The following NRXN1 variants were observed in gnomAD, a reference collection of about 807,000 sequenced individuals.
The protein encoded by NRXN1 is neurexin 1.
Under a neutral mutation model 150.9 loss-of-function variants are expected in NRXN1, and 39 were observed. The ratio of observed to expected loss-of-function variants is 0.26; its 90% CI spans 0.20 to 0.34. The LOEUF is 0.34. Ranked by LOEUF, NRXN1 falls within the 10% of genes least tolerant of loss-of-function variation. NRXN1 has a pLI of 1.00. For missense variants in NRXN1, 1,815 were observed against 1,949.9 expected (o/e 0.93, Z 1.30); for synonymous variants, 924 against 757.0 (o/e 1.22, Z -3.62).
chr2:50,059,353 G>T (rs997676201), intron 19 of NRXN1, among the ~76,000 whole-genome samples: 1 of 152,230 alleles, frequency 6.6e-6, no homozygotes, highest in South Asian at 2.1e-4. Context: ...AAGTGTTCAA[G>T]ACGTGACTTG....
intron 15 of NRXN1, among the ~76,000 whole-genome samples, chr2:50,476,436 A>C (rs1023049560): frequency 2.6e-5 from 4 of 151,958 alleles, no homozygotes; most frequent in African/African-American, 9.7e-5. Flanking sequence ...TAAGAGTCAG[A>C]TTCTTCATCT....
chr2:50,520,221 G>C (rs2092748051), intron 12 of NRXN1, among the ~76,000 whole-genome samples: 1 of 151,728 alleles, frequency 6.6e-6, no homozygotes, highest in African/African-American at 2.4e-5. Flanking sequence ...TACTATTTCT[G>C]ATTAGGAACA....
chr2:50,055,298 T>C (rs1353769252), intron 19 of NRXN1, among the ~76,000 whole-genome samples: 1 of 152,216 alleles, frequency 6.6e-6, no homozygotes, highest in Non-Finnish European at 1.5e-5. Context: ...ACTTATGTTA[T>C]AGACAGACCC....
chr2:50,500,531 A>G (rs1383320754), intron 13 of NRXN1, among the ~76,000 whole-genome samples: 1 of 152,218 alleles, frequency 6.6e-6, no homozygotes, highest in East Asian at 1.9e-4. Context: ...CACTTCTACT[A>G]CTGTAGATAT....
intron 2 of NRXN1, among the ~76,000 whole-genome samples, chr2:50,976,952 C>T (rs1049346659): frequency 5.9e-5 from 9 of 152,000 alleles, no homozygotes; most frequent in Non-Finnish European, 1.2e-4. Flanking sequence ...AAGATGCCTT[C>T]TTATGCTAAA....
intron 2 of NRXN1, 65 bp downstream of exon 2, chr2:51,027,437 C>T (rs1343435414): frequency 5.5e-6 from 8 of 1,450,568 alleles, no homozygotes; most frequent in Non-Finnish European, 7.2e-6. Flanking sequence ...ATGCACCAGC[C>T]CGGTCCCCTC....
chr2:49,995,362 T>C (rs1261350905), intron 21 of NRXN1, among the ~76,000 whole-genome samples: 2 of 152,248 alleles, frequency 1.3e-5, no homozygotes, highest in African/African-American at 4.8e-5. Flanking sequence ...TGTTGAAATT[T>C]TGTTTCCTCT....
chr2:50,268,473 T>C (rs2069156640), intron 17 of NRXN1, among the ~76,000 whole-genome samples: 1 of 152,158 alleles, frequency 6.6e-6, no homozygotes, highest in Non-Finnish European at 1.5e-5. Context: ...ATTTTGATCA[T>C]TAACAGGACA....
chr2:50,087,244 G>A (rs144709366), intron 19 of NRXN1, among the ~76,000 whole-genome samples: 213 of 151,992 alleles, frequency 1.4e-3, no homozygotes, highest in African/African-American at 4.8e-3. Context: ...GCCTATCTCT[G>A]TAACCAGACT....
At chr2:50,153,915 C>G (rs893224393) in intron 18 of NRXN1, among the ~76,000 whole-genome samples, 2 of 151,642 alleles carry the variant, frequency 1.3e-5, no homozygotes, top group Non-Finnish European at 3.0e-5. Context: ...TCTTATTTGT[C>G]CATCATGGCT....
intron 5 of NRXN1, among the ~76,000 whole-genome samples, chr2:50,835,997 A>T (rs1672052951): frequency 6.6e-6 from 1 of 152,240 alleles, no homozygotes; most frequent in Admixed American, 6.5e-5. Flanking sequence ...AAATATCTAA[A>T]CTGTGGTGCT....
At chr2:50,295,317 A>G (rs1459505425) in intron 17 of NRXN1, among the ~76,000 whole-genome samples, 1 of 152,216 alleles carries the variant, frequency 6.6e-6, no homozygotes, top group Non-Finnish European at 1.5e-5. Context: ...TAGGTCAATG[A>G]AAATCTATCC....
intron 5 of NRXN1, among the ~76,000 whole-genome samples, chr2:50,858,437 T>C (rs191650857): frequency 6.6e-6 from 1 of 152,208 alleles, no homozygotes; most frequent in Admixed American, 6.6e-5. Flanking sequence ...AATCTGAATT[T>C]TGGGGTTTTC....
intron 8 of NRXN1, among the ~76,000 whole-genome samples, chr2:50,571,213 G>A (rs1375522047): frequency 3.3e-5 from 5 of 152,148 alleles, no homozygotes; most frequent in African/African-American, 1.2e-4. Context: ...CCACAGTGAT[G>A]CTTAAGTGAA....
At position 50,685,454 on chromosome 2, in the gene NRXN1, A is replaced by C. The variant is rs138549371; in HGVS notation, c.833-61839T>G. On this transcript the variant is annotated intron_variant, in intron 5 of 22. Transcript: ENST00000401669. ...AATTACAACTATTTTTTCTCCCACA[A>C]ACTAGTTTATTGACATCACCATTAT... Among the ~76,000 whole-genome samples, 545 of 152,204 alleles carry C rather than the reference A, an allele frequency of 3.6e-3. 5 individuals carry two copies. The highest frequency in any genetic ancestry group is 0.012 in the African/African-American group (489 of 41,552).
chr2:50,859,603 A>AT (rs138989252), intron 5 of NRXN1, among the ~76,000 whole-genome samples: 5,478 of 144,306 alleles, frequency 0.038, 122 homozygotes, highest in Middle Eastern at 0.063. Context: ...GGTTACAGGT[A>AT]TTTTTTTTTT....
intron 5 of NRXN1, among the ~76,000 whole-genome samples, chr2:50,839,059 T>C (rs1022762274): frequency 6.6e-6 from 1 of 152,130 alleles, no homozygotes; most frequent in Non-Finnish European, 1.5e-5. Flanking sequence ...CATTTCCCCT[T>C]GGAGAACTGA....
chr2:49,991,005 C>T (rs1681840743), intron 21 of NRXN1, among the ~76,000 whole-genome samples: 2 of 151,814 alleles, frequency 1.3e-5, no homozygotes, highest in African/African-American at 4.8e-5. Flanking sequence ...ATGTTTCCTA[C>T]ATATAGAGTA....
At chr2:50,336,137 G>T (rs763955000) in intron 17 of NRXN1, among the ~76,000 whole-genome samples, 39 of 152,156 alleles carry the variant, frequency 2.6e-4, no homozygotes, top group Admixed American at 6.5e-5. Context: ...TATGTCACAA[G>T]GGAATTCCAG....
Sources: gnomAD v4.1 joint callset for allele counts (sites outside exome capture counted in the v4.1 genomes callset) on GRCh38, gnomAD v4.1.1 for gene constraint, MANE v1.5 for transcripts, NCBI Gene and HGNC (gene_info 2026-07-23, HGNC 2026-07-21) for gene names.